The following RAB27A variants were observed in gnomAD, a reference collection of about 807,000 sequenced individuals.
RAB27A encodes the protein RAB27A, member RAS oncogene family.
Under a neutral mutation model 20.8 loss-of-function variants are expected in RAB27A, and 17 were observed. The ratio of observed to expected loss-of-function variants is 0.82; its 90% confidence interval spans 0.56 to 1.23. The LOEUF (loss-of-function observed/expected upper bound fraction) is 1.23. Ranked by LOEUF, RAB27A falls within the 50% of genes most tolerant of loss-of-function variation. The pLI is 0.00. For missense variants in RAB27A, 277 were observed against 266.7 expected, an observed-to-expected ratio of 1.04 and a Z score of -0.27; for synonymous variants, 85 against 92.8, an observed-to-expected ratio of 0.92 and a Z score of 0.48.
chr15:55,270,010 A>C (rs1262711524), intron 2 of RAB27A, 155 bp downstream of exon 2: 2 of 152,178 alleles, frequency 1.3e-5, no homozygotes, highest in African/African-American at 4.8e-5. Flanking sequence ...AACTAATCCC[A>C]AGAAATTTAG....
intron 1 of RAB27A, among the ~76,000 whole-genome samples, chr15:55,277,015 A>G (rs1270939557): frequency 1.3e-5 from 2 of 152,200 alleles, no homozygotes; most frequent in African/African-American, 4.8e-5. Context: ...TTTTTTAAAA[A>G]TAAATTGTTA....
At chr15:55,307,197 C>A (rs1220530532) in intron 2 of RAB27A, among the ~76,000 whole-genome samples, 1 of 151,964 alleles carries the variant, frequency 6.6e-6, no homozygotes, top group Non-Finnish European at 1.5e-5. Context: ...CGGGGACAGG[C>A]TCCTTGTAAT....
chr15:55,242,457 G>A (rs1896530327), intron 2 of RAB27A, among the ~76,000 whole-genome samples: 1 of 152,182 alleles, frequency 6.6e-6, no homozygotes, highest in Admixed American at 6.5e-5. Context: ...AATCTCATTG[G>A]GTTGTTTTAA....
chr15:55,234,911 G>A lies in RAB27A; in HGVS notation c.24C>T (p.Tyr8=). The change falls in exon 3 of 7, where the codon TAC becomes TAT. Residue 8 remains tyrosine (Y), a synonymous_variant. Coordinates refer to ENST00000336787, the MANE Select transcript of RAB27A (RefSeq NM_183235.3). MSDGDYD[Y]LIKFLALGDS... is the part of the protein sequence containing the mutation. ...CTCCCAAAGCTAAAAACTTGATGAG[G>A]TAATCATAATCTCCATCAGACATAA... 1.9e-6 allele frequency: 3 copies of A among 1,612,558 alleles called. No homozygotes were observed. Among genetic ancestry groups the A allele is most frequent in the Non-Finnish European group, 2.5e-6 (3 of 1,179,300 alleles).
At chr15:55,304,125 T>C (rs1336569000) in intron 2 of RAB27A, among the ~76,000 whole-genome samples, 1 of 152,156 alleles carries the variant, frequency 6.6e-6, no homozygotes, top group African/African-American at 2.4e-5. Flanking sequence ...CTAAGAAAGG[T>C]TCCTCTGCCT....
intron 2 of RAB27A, among the ~76,000 whole-genome samples, chr15:55,301,290 C>T (rs182223241): frequency 1.3e-5 from 2 of 152,230 alleles, no homozygotes; most frequent in South Asian, 4.1e-4. Context: ...ACAGGTTCAA[C>T]ATATTGGCCA....
chr15:55,264,748 T>C (rs577983405), intron 2 of RAB27A, among the ~76,000 whole-genome samples: 1 of 152,238 alleles, frequency 6.6e-6, no homozygotes, highest in South Asian at 2.1e-4. Flanking sequence ...TTGATGCCAC[T>C]GAGGAGGGAG....
At chr15:55,279,021 A>G (rs1897948092) in intron 1 of RAB27A, among the ~76,000 whole-genome samples, 2 of 152,180 alleles carry the variant, frequency 1.3e-5, no homozygotes, top group South Asian at 4.1e-4. Flanking sequence ...TATGCACCCC[A>G]CAGACAAAAG....
At position 55,258,193 on chromosome 15, in the gene RAB27A, C is replaced by A. The variant is rs1195094445; in HGVS notation, c.-23+11972G>T. Among the ~76,000 whole-genome samples, 3 of 151,990 alleles carry A rather than the reference C, an allele frequency of 2.0e-5. No homozygotes were observed. In the East Asian group the frequency reaches 5.8e-4, roughly 29 times the overall value. On this transcript the variant is annotated intron_variant, in intron 2 of 6. Transcript: ENST00000336787. ...GACACTAAGAAATAAGAGGTTAGAACCCTTCTCTTATTACCCTTATCTAAT... is the reference window on the plus strand; with the variant it reads ...GACACTAAGAAATAAGAGGTTAGAAACCTTCTCTTATTACCCTTATCTAAT...
At chr15:55,318,334 T>C (rs954432990) in intron 1 of RAB27A, among the ~76,000 whole-genome samples, 11 of 150,950 alleles carry the variant, frequency 7.3e-5, no homozygotes, top group African/African-American at 2.4e-4. Context: ...TCTGACCTCC[T>C]GATCCGCCCG....
At chr15:55,206,220 A>G in intron 6 of RAB27A, 1 of 593,616 alleles carries the variant, frequency 1.7e-6, no homozygotes, top group Non-Finnish European at 2.1e-6. Context: ...AAAAAAATCA[A>G]TTTTCATTTT....
At chr15:55,232,108 TA>T (rs1358228986) in intron 3 of RAB27A, among the ~76,000 whole-genome samples, 11 of 152,160 alleles carry the variant, frequency 7.2e-5, no homozygotes, top group Non-Finnish European at 1.6e-4. Flanking sequence ...GGCAGAGTTG[TA>T]AACTGCCTGC....
intron 2 of RAB27A, among the ~76,000 whole-genome samples, chr15:55,235,433 A>G (rs1442786637): frequency 2.0e-5 from 3 of 152,112 alleles, no homozygotes; most frequent in Non-Finnish European, 4.4e-5. Context: ...GGGCAACAAG[A>G]GCAAAACTCT....
chr15:55,314,011 T>TAAAC (rs1329036261), intron 2 of RAB27A: 223 of 145,116 alleles, frequency 1.5e-3, no homozygotes, highest in African/African-American at 5.7e-3. Context: ...AATAAATAAA[T>TAAAC]AAATAAACCG....
chr15:55,230,040 A>G (rs1895968488), intron 4 of RAB27A, among the ~76,000 whole-genome samples: 1 of 152,232 alleles, frequency 6.6e-6, no homozygotes. Context: ...CACATGAATT[A>G]ATTCCAACCA....
intron 1 of RAB27A, among the ~76,000 whole-genome samples, chr15:55,275,339 G>A (rs1348376014): frequency 1.3e-5 from 2 of 151,656 alleles, no homozygotes; most frequent in Admixed American, 6.6e-5. Context: ...AAATGGAAAG[G>A]CAACTGGCCG....
In RAB27A at chr15:55,267,863, G is replaced by A. The variant is rs962489846; in HGVS notation, c.-23+2302C>T. Among the ~76,000 whole-genome samples the A allele has an allele frequency of 5.3e-5, 8 of 152,250 alleles. No homozygotes were observed. The East Asian group carries it at 1.5e-3, about 29-fold the overall frequency. ...AGAGAGGCAGCCTAGTTGCCGTGACGCCATCCTGCCAGCCAGCAAGATTTC... is the reference window on the plus strand; with the variant it reads ...AGAGAGGCAGCCTAGTTGCCGTGACACCATCCTGCCAGCCAGCAAGATTTC... On this transcript the variant is annotated intron_variant, in intron 2 of 6. Transcript: ENST00000336787.
At chr15:55,309,655 G>A (rs937889071) in intron 2 of RAB27A, among the ~76,000 whole-genome samples, 5 of 152,158 alleles carry the variant, frequency 3.3e-5, no homozygotes, top group Non-Finnish European at 7.3e-5. Context: ...TACAGAAAAA[G>A]GCATCCTTAA....
chr15:55,245,485 G>A (rs953409886), intron 2 of RAB27A, among the ~76,000 whole-genome samples: 3 of 152,142 alleles, frequency 2.0e-5, no homozygotes, highest in Non-Finnish European at 4.4e-5. Context: ...TCTAAATTCA[G>A]AATATTAGAT....
Sources: allele counts gnomAD v4.1 joint callset (sites outside exome capture counted in the v4.1 genomes callset), GRCh38; gene constraint gnomAD v4.1.1; transcripts MANE v1.5; gene names NCBI Gene and HGNC (gene_info 2026-07-23, HGNC 2026-07-21).